Variants in ARK2N observed in about 807,000 individuals in gnomAD.
The protein encoded by ARK2N is protein ARK2N.
At chr18:46,250,491 T>TACACACACACACAC in the ARK2N span, among the ~76,000 whole-genome samples, 5,356 of 129,702 alleles carry the variant, frequency 0.041, 198 homozygotes, top group African/African-American at 0.074. Flanking sequence ...CCTCCATTCG[T>TACACACACACACAC]ACACACACAC....
At chr18:46,253,821 A>G in the ARK2N span, 2 of 1,607,492 alleles carry the variant, frequency 1.2e-6, no homozygotes, top group South Asian at 1.1e-5. Context: ...AGGAACATGC[A>G]AGGTAGGATA....
chr18:46,190,571 A>T, the ARK2N span, among the ~76,000 whole-genome samples: 2 of 152,128 alleles, frequency 1.3e-5, no homozygotes, highest in African/African-American at 4.8e-5. Context: ...TTTTAAAAAA[A>T]TCATTAGTGT....
chr18:46,216,143 A>G, the ARK2N span: 1 of 1,613,792 alleles, frequency 6.2e-7, no homozygotes, highest in Non-Finnish European at 8.5e-7. This position sits in a 1 kb window ranked among gnomAD's most constrained non-coding sequence, Gnocchi z 4.3. Flanking sequence ...TATGAGAGTG[A>G]CTCCTCTAAT....
At chr18:46,257,953 GTC>G in the ARK2N span, among the ~76,000 whole-genome samples, 3 of 149,378 alleles carry the variant, frequency 2.0e-5, no homozygotes, top group Admixed American at 1.3e-4. Flanking sequence ...TTGAGATGGA[GTC>G]TCGCCCTGTC....
chr18:46,192,427 A>C, the ARK2N span, among the ~76,000 whole-genome samples: 2 of 151,958 alleles, frequency 1.3e-5, no homozygotes, highest in Non-Finnish European at 2.9e-5. Context: ...CAAAAAAAAA[A>C]TTATCTGGGC....
the ARK2N span, among the ~76,000 whole-genome samples, chr18:46,202,423 CACTTT>C: frequency 1.9e-3 from 290 of 152,234 alleles, 2 homozygotes; most frequent in Middle Eastern, 0.02. Flanking sequence ...ATGAGCTAGG[CACTTT>C]ACTTAAGGAT....
the ARK2N span, among the ~76,000 whole-genome samples, chr18:46,176,227 C>T: frequency 4.1e-3 from 620 of 152,206 alleles, 4 homozygotes; most frequent in African/African-American, 0.014. Flanking sequence ...AATCTTACAG[C>T]TTTTTTTGAC....
the ARK2N span, among the ~76,000 whole-genome samples, chr18:46,250,491 T>TACACACACACACACACACACATAC: frequency 7.7e-6 from 1 of 129,676 alleles, no homozygotes; most frequent in Non-Finnish European, 1.6e-5. Flanking sequence ...CCTCCATTCG[T>TACACACACACACACACACACATAC]ACACACACAC....
the ARK2N span, among the ~76,000 whole-genome samples, chr18:46,194,805 ATTTT>A: frequency 7.9e-6 from 1 of 126,698 alleles, no homozygotes. Context: ...AATTTAATTA[ATTTT>A]TTTTTTTTTT....
chr18:46,215,328 C>T, the ARK2N span, among the ~76,000 whole-genome samples: 1 of 146,900 alleles, frequency 6.8e-6, no homozygotes, highest in South Asian at 2.1e-4. Flanking sequence ...CAAAAACAAA[C>T]AAACAAACAA....
the ARK2N span, among the ~76,000 whole-genome samples, chr18:46,249,839 T>C: frequency 6.6e-6 from 1 of 152,164 alleles, no homozygotes; most frequent in South Asian, 2.1e-4. Context: ...ATTCTTCAGA[T>C]TGCTTTGCTA....
chr18:46,266,490 A>T, the ARK2N span: 2 of 152,620 alleles, frequency 1.3e-5, no homozygotes, highest in Non-Finnish European at 2.9e-5. Flanking sequence ...TTTATTTAAA[A>T]CACTACTTAC....
chr18:46,248,079 G>A, the ARK2N span, among the ~76,000 whole-genome samples: 2 of 152,344 alleles, frequency 1.3e-5, no homozygotes, highest in Non-Finnish European at 2.9e-5. Context: ...ACTAACATAG[G>A]TGCCAGGACT....
chr18:46,197,550 A>G, the ARK2N span, among the ~76,000 whole-genome samples: 2 of 152,304 alleles, frequency 1.3e-5, no homozygotes, highest in African/African-American at 4.8e-5. Context: ...TTCTCTCTTT[A>G]CAGCATTTAA....
chr18:46,232,568 G>GT, the ARK2N span: 1 of 152,094 alleles, frequency 6.6e-6, no homozygotes, highest in Non-Finnish European at 1.5e-5. Flanking sequence ...ATTGTGAATT[G>GT]TAAGTAACAG....
the ARK2N span, chr18:46,253,782 A>C: frequency 1.2e-6 from 2 of 1,613,638 alleles, no homozygotes; most frequent in Non-Finnish European, 1.7e-6. Context: ...TTGCGTCTTC[A>C]GATAGTGAAG....
At chr18:46,202,611 A>G in the ARK2N span, among the ~76,000 whole-genome samples, 5 of 152,128 alleles carry the variant, frequency 3.3e-5, no homozygotes, top group South Asian at 1.0e-3. Context: ...AACGTAGCGA[A>G]ACCCCGTCTC....
the ARK2N span, among the ~76,000 whole-genome samples, chr18:46,193,767 T>C: frequency 4.2e-4 from 64 of 151,298 alleles, 1 homozygote; most frequent in Non-Finnish European, 2.2e-4. Flanking sequence ...CCTGGCTGAT[T>C]TTTGTATTTT....
At chr18:46,209,744 C>T in the ARK2N span, among the ~76,000 whole-genome samples, 17 of 152,020 alleles carry the variant, frequency 1.1e-4, no homozygotes, top group African/African-American at 2.7e-4. Context: ...TACAGGCGTC[C>T]GCCACCACAC....
Sources: gnomAD v4.1 joint callset for allele counts (sites outside exome capture counted in the v4.1 genomes callset) on GRCh38, gnomAD v4.1.1 for gene constraint, Gnocchi (gnomAD v3.1) non-coding constraint, MANE v1.5 for transcripts, NCBI Gene and HGNC (gene_info 2026-07-23, HGNC 2026-07-21) for gene names.